Variants in ST6GAL1 observed in about 807,000 individuals in gnomAD.
The protein encoded by ST6GAL1 is ST6 beta-galactoside alpha-2,6-sialyltransferase 1.
In ST6GAL1, 20 loss-of-function variants were observed where a neutral mutation model predicts 38.0. The ratio of observed to expected loss-of-function variants is 0.53; its 90% confidence interval spans 0.37 to 0.77. ST6GAL1 has a LOEUF of 0.77. Among genes scored for constraint, ST6GAL1 ranks in the 30% least tolerant of loss-of-function variants. ST6GAL1 has a pLI of 0.00. For missense variants in ST6GAL1, 432 were observed against 496.4 expected, an observed-to-expected ratio of 0.87 and a Z score of 1.23; for synonymous variants, 196 against 188.2, an observed-to-expected ratio of 1.04 and a Z score of -0.34.
chr3:187,072,497 G>A (rs935537857), intron 5 of ST6GAL1: 4 of 340,902 alleles, frequency 1.2e-5, no homozygotes, highest in South Asian at 2.5e-5. Context: ...GATTATATGA[G>A]TCCCTGACTT....
At chr3:187,011,988 G>A (rs1340833591) in intron 2 of ST6GAL1, among the ~76,000 whole-genome samples, 1 of 152,168 alleles carries the variant, frequency 6.6e-6, no homozygotes, top group Non-Finnish European at 1.5e-5. Flanking sequence ...GACCTGGAAC[G>A]CTCTCTTTCC....
chr3:186,967,695 C>G (rs1715196356), intron 2 of ST6GAL1, among the ~76,000 whole-genome samples: 1 of 152,206 alleles, frequency 6.6e-6, no homozygotes, highest in South Asian at 2.1e-4. Flanking sequence ...GCACTCAGAA[C>G]ATGAATTACA....
chr3:186,984,770 CCT>C (rs1715826643), intron 2 of ST6GAL1, among the ~76,000 whole-genome samples: 2 of 34,146 alleles, frequency 5.9e-5, no homozygotes, highest in Admixed American at 2.9e-4. Flanking sequence ...CTCCCTCCTT[CCT>C]TCCTTCCCTT....
chr3:187,065,041 C>T (rs1480457816), intron 5 of ST6GAL1, among the ~76,000 whole-genome samples: 5 of 149,662 alleles, frequency 3.3e-5, no homozygotes, highest in South Asian at 2.1e-4. Flanking sequence ...TTTGCTCTTG[C>T]GCTCAGGCTG....
At chr3:186,998,997 T>C (rs1560157088) in intron 2 of ST6GAL1, among the ~76,000 whole-genome samples, 1 of 152,236 alleles carries the variant, frequency 6.6e-6, no homozygotes, top group African/African-American at 2.4e-5. Flanking sequence ...CAGAACTGGA[T>C]CCTGGCCTCT....
chr3:186,981,364 T>G (rs1409081786), intron 2 of ST6GAL1, among the ~76,000 whole-genome samples: 1 of 152,244 alleles, frequency 6.6e-6, no homozygotes, highest in African/African-American at 2.4e-5. Context: ...TGGATTTTGG[T>G]TTGCTTATGT....
intron 5 of ST6GAL1, among the ~76,000 whole-genome samples, chr3:187,053,373 C>T (rs1718581031): frequency 6.6e-6 from 1 of 152,172 alleles, no homozygotes; most frequent in South Asian, 2.1e-4. Flanking sequence ...AGTCCTTGCC[C>T]ATGCCTATGT....
intron 5 of ST6GAL1, among the ~76,000 whole-genome samples, chr3:187,056,365 G>T (rs1172784925): frequency 6.6e-6 from 1 of 152,114 alleles, no homozygotes; most frequent in Non-Finnish European, 1.5e-5. Context: ...TGGTTATTTT[G>T]CCCATTAGCT....
chr3:186,934,172 A>C (rs577517720), intron 1 of ST6GAL1, among the ~76,000 whole-genome samples: 57 of 152,342 alleles, frequency 3.7e-4, no homozygotes, highest in African/African-American at 1.4e-3. Flanking sequence ...AGGCTGTTCC[A>C]GCGGAGCGGA....
chr3:187,051,380 G>A, intron 5 of ST6GAL1, 34 bp downstream of exon 5: 1 of 1,596,732 alleles, frequency 6.3e-7, no homozygotes, highest in East Asian at 2.2e-5. Flanking sequence ...TGGAGTAAGA[G>A]AAGGACCACA....
chr3:187,007,009 T>A (rs192035998), intron 2 of ST6GAL1, among the ~76,000 whole-genome samples: 1 of 152,158 alleles, frequency 6.6e-6, no homozygotes, highest in Non-Finnish European at 1.5e-5. Flanking sequence ...ACAGCCAAGA[T>A]GAAATAATCC....
Position 187,042,636 on chromosome 3 carries a change from T to G in ST6GAL1, c.-50-18T>G. ...TTTTCTTTACATCATTTGTTTTTCC[T>G]TGTCTCACTTTTTTTAGGCTTGTTT... On this transcript the variant is annotated intron_variant, in intron 3 of 7. Coordinates refer to ENST00000169298, the MANE Select transcript of ST6GAL1 (RefSeq NM_173216.2). 1 of 1,530,674 alleles carries G rather than the reference T, an allele frequency of 6.5e-7. No homozygotes were observed. The highest frequency in any genetic ancestry group is 8.7e-7 in the Non-Finnish European group (1 of 1,144,282). 94.8% of individuals were successfully genotyped at this position (1,530,674 alleles called of 1,614,324 possible).
chr3:187,074,449 G>C, intron 7 of ST6GAL1, 116 bp downstream of exon 7: 1 of 1,183,620 alleles, frequency 8.4e-7, no homozygotes, highest in East Asian at 2.7e-5. Context: ...CAATTGCTAG[G>C]ATTCTGCTCT....
rs563868030 is a variant in ST6GAL1, at chr3:186,985,128, C to T, written c.-183+21202C>T. On this transcript the variant is annotated intron_variant, in intron 2 of 7. Coordinates refer to ENST00000169298, the MANE Select transcript of ST6GAL1 (RefSeq NM_173216.2). ...TTCACCTTGTTGGTCAGGCTGGTCT[C>T]GAACTCCTGACCTCAAGTGATCCGC... Among the ~76,000 whole-genome samples, 13 of 151,944 alleles carry T rather than the reference C, an allele frequency of 8.6e-5. No homozygotes were observed. In the South Asian group the frequency reaches 2.3e-3, roughly 27 times the overall value.
intron 2 of ST6GAL1, among the ~76,000 whole-genome samples, chr3:187,026,371 CTGT>C (rs1717537188): frequency 6.6e-6 from 1 of 152,148 alleles, no homozygotes; most frequent in African/African-American, 2.4e-5. Context: ...GCCTTGGGCA[CTGT>C]TGTTGCTGCA....
chr3:186,999,610 C>T (rs902408338), intron 2 of ST6GAL1, among the ~76,000 whole-genome samples: 30 of 151,812 alleles, frequency 2.0e-4, no homozygotes, highest in African/African-American at 6.3e-4. Context: ...GGGGTTTCAC[C>T]GTGTTAGCCA....
Position 186,966,565 on chromosome 3 carries a change from A to T in ST6GAL1, c.-183+2639A>T, listed in dbSNP as rs931374993. Among the ~76,000 whole-genome samples, 3 of 152,332 alleles carry T rather than the reference A, an allele frequency of 2.0e-5. No individual in the cohort carries two copies. The East Asian group carries it at 5.8e-4, about 29-fold the overall frequency. ...CACACAGAGTCTCTCCCGTCGGGGA[A>T]TATCATTCCATCTCGGAAGCTCTGT... On this transcript the variant is annotated intron_variant, in intron 2 of 7. Coordinates refer to ENST00000169298, the MANE Select transcript of ST6GAL1 (RefSeq NM_173216.2).
intron 1 of ST6GAL1, among the ~76,000 whole-genome samples, chr3:186,934,473 A>G (rs1713869018): frequency 6.6e-6 from 1 of 152,090 alleles, no homozygotes; most frequent in African/African-American, 2.4e-5. Flanking sequence ...GAGACAGGAG[A>G]ATCGCTGGAG....
chr3:187,005,611 A>C (rs1716762785), intron 2 of ST6GAL1, among the ~76,000 whole-genome samples: 2 of 152,180 alleles, frequency 1.3e-5, no homozygotes, highest in South Asian at 4.1e-4. Flanking sequence ...ATTTGAGACA[A>C]AAGTTTCATG....
Sources: gnomAD v4.1 joint callset for allele counts (sites outside exome capture counted in the v4.1 genomes callset) on GRCh38, gnomAD v4.1.1 for gene constraint, MANE v1.5 for transcripts, NCBI Gene and HGNC (gene_info 2026-07-23, HGNC 2026-07-21) for gene names.